The following DSG2 variants were observed in gnomAD, a reference collection of about 807,000 sequenced individuals.
DSG2 encodes the protein desmoglein-2.
A neutral mutation model predicts 75.6 loss-of-function variants in DSG2; 45 were observed. The ratio of observed to expected loss-of-function variants is 0.60; its 90% CI spans 0.47 to 0.76. DSG2 has a LOEUF of 0.76. Among genes scored for constraint, DSG2 ranks in the 30% least tolerant of loss-of-function variants. The pLI is 0.00. For synonymous variants in DSG2, 429 were observed against 483.9 expected, an observed-to-expected ratio of 0.89 and a Z score of 1.49; for missense variants, 1,267 against 1,357.4, an observed-to-expected ratio of 0.93 and a Z score of 1.05.
chr18:31,522,386 G>A, intron 6 of DSG2, 137 bp downstream of exon 6: 1 of 869,584 alleles, frequency 1.1e-6, no homozygotes, highest in East Asian at 2.7e-5. Context: ...CTCTCTTTTA[G>A]GGATGTGCTG....
chr18:31,525,038 C>A, intron 8 of DSG2, 150 bp downstream of exon 8: 1 of 798,288 alleles, frequency 1.3e-6, no homozygotes, highest in Non-Finnish European at 2.1e-6. Flanking sequence ...CCTATTTGCC[C>A]AAGTTCTGTG....
At chr18:31,542,376 T>TTCAAC (rs2073273677) in intron 13 of DSG2, 144 bp from the exon 14 acceptor site, 1 of 798,686 alleles carries the variant, frequency 1.3e-6, no homozygotes, top group African/African-American at 1.7e-5. Context: ...ACATAAGTTA[T>TTCAAC]TCAACTCAAA....
intron 8 of DSG2, among the ~76,000 whole-genome samples, chr18:31,525,846 T>C (rs1243144432): frequency 6.6e-6 from 1 of 152,148 alleles, no homozygotes; most frequent in Non-Finnish European, 1.5e-5. Flanking sequence ...TTATGTCGAA[T>C]TACAGGATGG....
intron 2 of DSG2, among the ~76,000 whole-genome samples, chr18:31,519,332 G>A (rs1000611519): frequency 5.9e-5 from 9 of 152,068 alleles, no homozygotes; most frequent in African/African-American, 1.9e-4. Context: ...TGAGGCGGGC[G>A]GATTGCTTGA....
chr18:31,527,124 A>G (rs1189899352), intron 8 of DSG2, among the ~76,000 whole-genome samples: 1 of 152,182 alleles, frequency 6.6e-6, no homozygotes, highest in Non-Finnish European at 1.5e-5. Flanking sequence ...ACCATTTTTC[A>G]AATCTTTACT....
Position 31,531,017 on chromosome 18 carries a change from G to A in DSG2, c.1045G>A (p.Asp349Asn), listed in dbSNP as rs754281384. 3 of 1,613,968 alleles carry A rather than the reference G, an allele frequency of 1.9e-6. No homozygotes were observed. The highest frequency in any genetic ancestry group is 2.7e-5 in the African/African-American group (2 of 75,030). The change falls in exon 9 of 15, where the codon GAC becomes AAC. Residue 349 changes from aspartate (D) to asparagine (N), a missense_variant. Asp to Asn is a conservative substitution (Grantham distance 23). Transcript: ENST00000261590. ...EVDYEEMKNL[D>N]FSVIVANKAA... ...AGATTATGAAGAAATGAAGAATCTTGACTTCAGTGTTATTGTCGCTAATAA... is the reference window on the plus strand; with the variant it reads ...AGATTATGAAGAAATGAAGAATCTTAACTTCAGTGTTATTGTCGCTAATAA...
chr18:31,517,931 C>T (rs866386810), intron 1 of DSG2, among the ~76,000 whole-genome samples: 1 of 152,118 alleles, frequency 6.6e-6, no homozygotes, highest in East Asian at 1.9e-4. Flanking sequence ...AAGATAAAAA[C>T]CATAGGATGC....
chr18:31,538,412 G>C (rs1174562959), intron 11 of DSG2, among the ~76,000 whole-genome samples: 1 of 152,126 alleles, frequency 6.6e-6, no homozygotes, highest in Non-Finnish European at 1.5e-5. Flanking sequence ...TAAAGAAATG[G>C]TAAAATAAAG....
chr18:31,542,889 G>T lies in DSG2; in HGVS notation c.2334+37G>T. The T allele has an allele frequency of 4.9e-6, 5 of 1,026,424 alleles. No homozygotes were observed. In the East Asian group the frequency reaches 1.1e-4, roughly 22 times the overall value. 63.6% of individuals were successfully genotyped at this position (1,026,424 alleles called of 1,614,324 possible). A position where few individuals can be genotyped will look rare whatever the true frequency, so the allele number is the denominator to read the frequency against. On this transcript the variant is annotated intron_variant, in intron 14 of 14. Transcript: ENST00000261590. ...TTTTATGTATTGGTGGTGGGGGGTG[G>T]GGGGAACATTTGTATGTGAATGTGA...
At chr18:31,514,114 T>A (rs537764951) in intron 1 of DSG2, among the ~76,000 whole-genome samples, 1 of 152,122 alleles carries the variant, frequency 6.6e-6, no homozygotes, top group Admixed American at 6.5e-5. Context: ...GTGGGGGAAA[T>A]GGTAAAATCA....
At chr18:31,502,724 C>T (rs2073020042) in intron 1 of DSG2, among the ~76,000 whole-genome samples, 1 of 151,674 alleles carries the variant, frequency 6.6e-6, no homozygotes, top group African/African-American at 2.4e-5. Flanking sequence ...GCACTCCAGC[C>T]TGGGTGACAG....
intron 11 of DSG2, among the ~76,000 whole-genome samples, chr18:31,537,769 G>C (rs2144344755): frequency 6.6e-6 from 1 of 152,216 alleles, no homozygotes; most frequent in East Asian, 1.9e-4. Flanking sequence ...TTGGGAGGGT[G>C]AGGCGGGTGG....
intron 1 of DSG2, among the ~76,000 whole-genome samples, chr18:31,504,516 C>T (rs1011285756): frequency 2.6e-5 from 4 of 152,092 alleles, no homozygotes; most frequent in African/African-American, 7.3e-5. Context: ...CAGGAACCTG[C>T]AGTGCTTCTC....
intron 1 of DSG2, among the ~76,000 whole-genome samples, chr18:31,501,318 T>C (rs2073012479): frequency 6.6e-6 from 1 of 152,192 alleles, no homozygotes; most frequent in Non-Finnish European, 1.5e-5. Flanking sequence ...CTAATGAAGC[T>C]TGTGCTTTAA....
chr18:31,524,977 C>T (rs954988262), intron 8 of DSG2, 89 bp downstream of exon 8: 2 of 1,238,736 alleles, frequency 1.6e-6, no homozygotes, highest in Non-Finnish European at 2.4e-6. Context: ...CTTAAAAGTG[C>T]TTTACATATT....
chr18:31,540,157 A>G (rs1200567218), intron 12 of DSG2, among the ~76,000 whole-genome samples: 1 of 152,176 alleles, frequency 6.6e-6, no homozygotes, highest in Non-Finnish European at 1.5e-5. Flanking sequence ...AATGCACTTG[A>G]GTCATCCCAA....
At position 31,546,096 on chromosome 18, in the gene DSG2, C is replaced by T. The variant is rs372335085; in HGVS notation, c.2710C>T (p.Gln904Ter). Residue 904 changes from glutamine to a stop codon, truncating the protein, a stop_gained, in exon 15 of 15, where the codon CAG becomes TAG. Coordinates refer to ENST00000261590, the MANE Select transcript of DSG2 (RefSeq NM_001943.5). LOFTEE classifies it low-confidence loss of function (END_TRUNC). ...AGAAGCCAATGCAGAGAAAGTAACT[C>T]AGGAAATAGTCACTGAAAGATCTGT... is the stretch of plus-strand genomic sequence containing the variant. ...LQEANAEKVTQEIVTERSVSS... is the reference protein window; with the variant it reads ...LQEANAEKVT 6.2e-7 allele frequency: 1 copy of T among 1,614,146 alleles called. No individual in the cohort carries two copies. The highest frequency in any genetic ancestry group is 1.1e-5 in the South Asian group (1 of 91,080).
intron 1 of DSG2, among the ~76,000 whole-genome samples, chr18:31,506,894 G>A (rs2073041547): frequency 6.6e-6 from 1 of 152,106 alleles, no homozygotes; most frequent in Non-Finnish European, 1.5e-5. Flanking sequence ...CGACTTCAAG[G>A]AAAAGAAAAA....
intron 10 of DSG2, 36 bp downstream of exon 10, chr18:31,535,448 G>A: frequency 1.3e-6 from 2 of 1,514,626 alleles, no homozygotes; most frequent in East Asian, 2.3e-5. Flanking sequence ...TTGATTATAT[G>A]TATTTAGATT....
Sources: allele counts gnomAD v4.1 joint callset (sites outside exome capture counted in the v4.1 genomes callset), GRCh38; gene constraint gnomAD v4.1.1; transcripts MANE v1.5; gene names NCBI Gene and HGNC (gene_info 2026-07-23, HGNC 2026-07-21).